The following TULP4 variants were observed in gnomAD, a reference collection of about 807,000 sequenced individuals.
The protein encoded by TULP4 is tubby-related protein 4.
In TULP4, 16 loss-of-function variants were observed where a neutral mutation model predicts 129.0. The observed-to-expected ratio is 0.12, with a 90% CI of 0.08 to 0.19. The LOEUF (loss-of-function observed/expected upper bound fraction) is 0.19. Ranked by LOEUF, TULP4 falls within the 10% of genes least tolerant of loss-of-function variation. The probability of loss-of-function intolerance (pLI) is 1.00; values close to 1 mark genes in which losing one functional copy is unlikely to be tolerated. For missense variants in TULP4, 1,842 were observed against 2,059.1 expected (o/e 0.89, Z 2.04); for synonymous variants, 998 against 854.0 (o/e 1.17, Z -2.94).
intron 1 of TULP4, among the ~76,000 whole-genome samples, chr6:158,368,834 C>T (rs1021353128): frequency 1.1e-4 from 16 of 152,192 alleles, no homozygotes; most frequent in African/African-American, 3.6e-4. Context: ...TATGGTGGGA[C>T]AAGCAAGAAA....
chr6:158,246,026 GTGTGTGTGT>G (rs1778025173), intron 1 of TULP4, among the ~76,000 whole-genome samples: 2 of 74,194 alleles, frequency 2.7e-5, no homozygotes, highest in Non-Finnish European at 6.3e-5. Flanking sequence ...CCTTAGGGGT[GTGTGTGTGT>G]GTGTGTGTGT....
Position 158,461,690 on chromosome 6 carries a change from T to G in TULP4, c.987T>G (p.Val329=). 1 of 1,614,174 alleles carries G rather than the reference T, an allele frequency of 6.2e-7. No individual in the cohort carries two copies. Among genetic ancestry groups the G allele is most frequent in the Non-Finnish European group, 8.5e-7 (1 of 1,180,036 alleles). ...LKSAMVKFYN[V]RGEHIFTLDT... The stretch of plus-strand genomic sequence containing the variant: ...GTGCCATGGTCAAGTTCTACAATGT[T>G]CGTGGGGAGCACATCTTCACACTGG... The change falls in exon 6 of 14, where the codon GTT becomes GTG. Residue 329 remains valine (V), a synonymous_variant. Coordinates refer to ENST00000367097, the MANE Select transcript of TULP4 (RefSeq NM_020245.5).
chr6:158,245,911 G>T (rs1035768330), intron 1 of TULP4, among the ~76,000 whole-genome samples: 10 of 152,220 alleles, frequency 6.6e-5, no homozygotes, highest in Admixed American at 5.9e-4. Context: ...TGTTTGTTTA[G>T]GTAACCATGG....
chr6:158,378,354 G>A (rs62437406), intron 1 of TULP4, among the ~76,000 whole-genome samples: 29,886 of 151,440 alleles, frequency 0.2, 3,708 homozygotes, highest in Middle Eastern at 0.28. Context: ...TTATAATAAT[G>A]TATACCAAGC....
intron 1 of TULP4, among the ~76,000 whole-genome samples, chr6:158,257,111 G>T (rs1201075877): frequency 6.6e-6 from 1 of 152,210 alleles, no homozygotes; most frequent in Non-Finnish European, 1.5e-5. Context: ...AACCAGGTTA[G>T]TAGGTTGGAG....
At chr6:158,232,534 C>T (rs1240588158) in intron 1 of TULP4, among the ~76,000 whole-genome samples, 1 of 151,636 alleles carries the variant, frequency 6.6e-6, no homozygotes, top group Non-Finnish European at 1.5e-5. Context: ...GTGGCCGCTG[C>T]TTGGCTGTGG....
At position 158,493,844 on chromosome 6, in the gene TULP4, G is replaced by A; in HGVS notation, c.1776+127G>A. The stretch of plus-strand genomic sequence containing the variant: ...GTCCCTGAGCTCTGCTCCACATCCT[G>A]CACACCACCTACTACCTCAGGAGTA... On this transcript the variant is annotated intron_variant, in intron 10 of 13. Transcript: ENST00000367097. This position sits in a 1 kb window ranked among gnomAD's most constrained non-coding sequence, Gnocchi z 4.4. 1.9e-6 allele frequency: 2 copies of A among 1,067,692 alleles called. No homozygotes were observed. Among genetic ancestry groups the A allele is most frequent in the South Asian group, 2.0e-5 (1 of 50,524 alleles). The allele number at this position is 1,067,692 out of a possible 1,614,324, so 66.1% of individuals were successfully genotyped here.
Position 158,396,233 on chromosome 6 carries a change from CCTCTATTCTCTCATGT to C in TULP4, c.253-16830_253-16815del, listed in dbSNP as rs573839979. ...TGTTCTTTGTATTTCCTCTCCCCAA[CCTCTATTCTCTCATGT>C]CGAGGGCAGAACCCAGGTTGGCTCT... is the stretch of plus-strand genomic sequence containing the variant. On this transcript the variant is annotated intron_variant, in intron 1 of 13. Transcript: ENST00000367097. Among the ~76,000 whole-genome samples the C allele has an allele frequency of 4.2e-3, 634 of 152,316 alleles. 7 individuals are homozygous for C. Among genetic ancestry groups the C allele is most frequent in the African/African-American group, 0.015 (610 of 41,572 alleles).
chr6:158,455,818 G>A (rs1779280910), intron 5 of TULP4, among the ~76,000 whole-genome samples: 1 of 152,170 alleles, frequency 6.6e-6, no homozygotes, highest in Non-Finnish European at 1.5e-5. Context: ...ATCGAAATGA[G>A]CTGGTGCCAT....
chr6:158,461,843 G>C (rs1038805560), intron 6 of TULP4, 114 bp downstream of exon 6: 23 of 1,246,958 alleles, frequency 1.8e-5, no homozygotes, highest in South Asian at 1.0e-4. Flanking sequence ...GGTTGTGGTG[G>C]GTAAACCAGG....
chr6:158,373,526 A>T (rs548978962), intron 1 of TULP4, among the ~76,000 whole-genome samples: 150 of 152,292 alleles, frequency 9.8e-4, no homozygotes, highest in African/African-American at 3.5e-3. Context: ...GAATTGAAAA[A>T]CAATTTGTTC....
rs530411397 is a variant in TULP4 at position 158,247,651 on chromosome 6, G to A, written n.68+15348G>A. Among the ~76,000 whole-genome samples, 8 of 152,368 alleles carry A rather than the reference G, an allele frequency of 5.3e-5. No homozygotes were observed. The East Asian group carries it at 1.5e-3, about 29-fold the overall frequency. ...TCAGTCCCAGTTAGGGAAGTCAAGA[G>A]TTTTGTGTAGGAAGCTCTTACAGGA... On this transcript the variant is annotated intron_variant and non_coding_transcript_variant, in intron 1 of 1. Coordinates refer to the TULP4 transcript ENST00000620026.
At chr6:158,352,048 T>C (rs931046821) in intron 1 of TULP4, among the ~76,000 whole-genome samples, 6 of 152,126 alleles carry the variant, frequency 3.9e-5, no homozygotes, top group African/African-American at 1.4e-4. Context: ...TAATTACTTA[T>C]TGGGGCATTT....
At chr6:158,372,894 G>C (rs928198971) in intron 1 of TULP4, among the ~76,000 whole-genome samples, 9 of 152,160 alleles carry the variant, frequency 5.9e-5, no homozygotes, top group African/African-American at 2.2e-4. Flanking sequence ...TAGCAAATTA[G>C]CAAACGTTAG....
chr6:158,310,574 G>C (rs1301334321), upstream of TULP4: 1 of 152,084 alleles, frequency 6.6e-6, no homozygotes, highest in African/African-American at 2.4e-5. Flanking sequence ...TAAACAACCA[G>C]GTATCGTGAG....
intron 1 of TULP4, among the ~76,000 whole-genome samples, chr6:158,239,546 C>T (rs1274842055): frequency 3.5e-5 from 2 of 56,746 alleles, no homozygotes; most frequent in Non-Finnish European, 7.8e-5. Context: ...CGGGCAGAGG[C>T]GCCCCTCACC....
At chr6:158,317,618 A>G (rs1779521153) in intron 1 of TULP4, among the ~76,000 whole-genome samples, 1 of 152,204 alleles carries the variant, frequency 6.6e-6, no homozygotes, top group African/African-American at 2.4e-5. Flanking sequence ...ATAGTGCCGC[A>G]ATAAACATAT....
chr6:158,480,101 T>G, intron 7 of TULP4, 126 bp downstream of exon 7: 2 of 700,126 alleles, frequency 2.9e-6, no homozygotes, highest in Non-Finnish European at 4.7e-6. Context: ...TGCAGGATCC[T>G]GTCATGTGCT....
rs575945912 is a variant in TULP4, at chr6:158,379,126, G to A, written c.253-33939G>A. Reference sequence around the variant, plus strand: ...GCGGCATAGGTGTGATGTGAAACTGGCTGGATTCGGGATGTATTCTGAAGG... The same window carrying A: ...GCGGCATAGGTGTGATGTGAAACTGACTGGATTCGGGATGTATTCTGAAGG... On this transcript the variant is annotated intron_variant, in intron 1 of 13. Coordinates refer to ENST00000367097, the MANE Select transcript of TULP4 (RefSeq NM_020245.5). Among the ~76,000 whole-genome samples, 6 of 152,324 alleles carry A rather than the reference G, an allele frequency of 3.9e-5. No homozygotes were observed. The East Asian group carries it at 1.2e-3, about 29-fold the overall frequency.
Sources: gnomAD v4.1 joint callset for allele counts (sites outside exome capture counted in the v4.1 genomes callset) on GRCh38, gnomAD v4.1.1 for gene constraint, Gnocchi (gnomAD v3.1) non-coding constraint, MANE v1.5 for transcripts, NCBI Gene and HGNC (gene_info 2026-07-23, HGNC 2026-07-21) for gene names.